PPP6R3: variants seen among roughly 807,000 people sequenced by gnomAD.
PPP6R3 encodes the protein serine/threonine-protein phosphatase 6 regulatory subunit 3.
Under a neutral mutation model 110.7 loss-of-function variants are expected in PPP6R3, and 38 were observed. The observed-to-expected ratio is 0.34, with a 90% confidence interval of 0.26 to 0.45. The LOEUF (loss-of-function observed/expected upper bound fraction) is 0.45, where lower values mean the gene tolerates loss of function less well. Among genes scored for constraint, PPP6R3 ranks in the 20% least tolerant of loss-of-function variants. The probability of loss-of-function intolerance (pLI) is 1.00; values close to 1 mark genes in which losing one functional copy is unlikely to be tolerated. For missense variants in PPP6R3, 870 were observed against 1,062.4 expected, an observed-to-expected ratio of 0.82 and a Z score of 2.52; for synonymous variants, 369 against 373.5, an observed-to-expected ratio of 0.99 and a Z score of 0.14.
intron 23 of PPP6R3, among the ~76,000 whole-genome samples, chr11:68,611,185 T>G (rs908646732): frequency 1.3e-5 from 2 of 152,206 alleles, no homozygotes; most frequent in Non-Finnish European, 2.9e-5. Context: ...GGGGTTTCAA[T>G]GTATTTTTTA....
At position 68,587,983 on chromosome 11, in the gene PPP6R3, C is replaced by T. The variant is rs1022108717; in HGVS notation, c.1689C>T (p.Gly563=). The change falls in exon 16 of 24, where the codon GGC becomes GGT. Residue 563 remains glycine (G), a synonymous_variant. Coordinates refer to ENST00000393800, the MANE Select transcript of PPP6R3 (RefSeq NM_001164161.2). ...QMTSNFIDQF[G]FNDEKFADQD... ...CGTCCAATTTTATTGACCAGTTTGG[C>T]TTCAACGATGAGAAGTTTGCAGATC... 2 of 1,614,174 alleles carry T rather than the reference C, an allele frequency of 1.2e-6. No individual in the cohort carries two copies. Among genetic ancestry groups the T allele is most frequent in the Admixed American group, 1.7e-5 (1 of 60,030 alleles).
In PPP6R3 at chr11:68,460,779, CG is replaced by C. The variant is rs1422138013; in HGVS notation, c.-205del. On this transcript the variant is annotated 5_prime_UTR_variant, in exon 1 of 24. An upstream open reading frame in the 5' UTR loses its in-frame stop. Coordinates refer to ENST00000393800, the MANE Select transcript of PPP6R3 (RefSeq NM_001164161.2). Reference sequence around the variant, plus strand: ...GCGCTTCGCTGATGGTGTCGGTGAGCGCGTTTCCCGCCTGAGCGCAACTAGC... The same window carrying C: ...GCGCTTCGCTGATGGTGTCGGTGAGCCGTTTCCCGCCTGAGCGCAACTAGC... 6.6e-6 allele frequency: 1 copy of C among 152,112 alleles called. No homozygotes were observed. Among genetic ancestry groups the C allele is most frequent in the African/African-American group, 2.4e-5 (1 of 41,396 alleles). 9.4% of individuals were successfully genotyped at this position (152,112 alleles called of 1,614,324 possible). A position where few individuals can be genotyped will look rare whatever the true frequency, so the allele number is the denominator to read the frequency against.
At chr11:68,546,759 A>G (rs1294449947) in intron 4 of PPP6R3, among the ~76,000 whole-genome samples, 1 of 152,206 alleles carries the variant, frequency 6.6e-6, no homozygotes, top group Non-Finnish European at 1.5e-5. Flanking sequence ...TCAGCACCCC[A>G]GCGGGGTCAT....
chr11:68,611,302 A>G (rs902962348), intron 23 of PPP6R3, among the ~76,000 whole-genome samples: 5 of 152,196 alleles, frequency 3.3e-5, no homozygotes, highest in Non-Finnish European at 7.4e-5. Context: ...GTCCAGGTCT[A>G]TCCCAGTTTG....
chr11:68,611,913 T>TGTCA (rs1943647436), intron 23 of PPP6R3, among the ~76,000 whole-genome samples: 1 of 152,240 alleles, frequency 6.6e-6, no homozygotes, highest in Non-Finnish European at 1.5e-5. Context: ...CGCTGTTTCC[T>TGTCA]GTCACACTTA....
intron 22 of PPP6R3, among the ~76,000 whole-genome samples, chr11:68,604,723 G>A (rs1938502553): frequency 6.6e-6 from 1 of 152,116 alleles, no homozygotes; most frequent in Admixed American, 6.5e-5. Context: ...TTCCAAATGT[G>A]CCTGTTTTTA....
intron 1 of PPP6R3, among the ~76,000 whole-genome samples, chr11:68,485,290 T>C (rs72934501): frequency 0.012 from 1,803 of 145,612 alleles, 13 homozygotes; most frequent in African/African-American, 0.018. Context: ...TTTTTTTTTT[T>C]TTCAATTCCT....
At chr11:68,494,335 C>A (rs1024372952) in intron 1 of PPP6R3, among the ~76,000 whole-genome samples, 2 of 148,654 alleles carry the variant, frequency 1.3e-5, no homozygotes, top group Non-Finnish European at 3.0e-5. Context: ...ACCATCCTGT[C>A]CCACATGGTG....
intron 1 of PPP6R3, among the ~76,000 whole-genome samples, 200 bp downstream of exon 1, chr11:68,461,027 G>C (rs2098700817): frequency 6.6e-6 from 1 of 151,724 alleles, no homozygotes; most frequent in Non-Finnish European, 1.5e-5. Flanking sequence ...CTCCCCGTCC[G>C]CTCCTGTTAG....
At chr11:68,474,035 G>C (rs1280848449) in intron 1 of PPP6R3, among the ~76,000 whole-genome samples, 1 of 147,292 alleles carries the variant, frequency 6.8e-6, no homozygotes, top group Non-Finnish European at 1.5e-5. Context: ...ATGTTAAAAA[G>C]CAATTACCTT....
chr11:68,471,881 G>A (rs1265496308), intron 1 of PPP6R3, among the ~76,000 whole-genome samples: 1 of 151,982 alleles, frequency 6.6e-6, no homozygotes, highest in Non-Finnish European at 1.5e-5. Context: ...GCAGACTAGG[G>A]GAGATGGGAT....
intron 4 of PPP6R3, 76 bp from the exon 5 acceptor site, chr11:68,547,991 G>C: frequency 7.1e-7 from 1 of 1,415,138 alleles, no homozygotes. Flanking sequence ...TGGAGGAGTC[G>C]GGGTTGGGAC....
intron 2 of PPP6R3, among the ~76,000 whole-genome samples, chr11:68,520,255 A>G (rs2099157621): frequency 6.6e-6 from 1 of 152,218 alleles, no homozygotes; most frequent in Non-Finnish European, 1.5e-5. Flanking sequence ...AAGGTAGACA[A>G]AAATCATTTA....
chr11:68,507,996 A>C (rs1488361373), intron 1 of PPP6R3, among the ~76,000 whole-genome samples: 2 of 151,556 alleles, frequency 1.3e-5, no homozygotes, highest in Non-Finnish European at 2.9e-5. Flanking sequence ...GCTTGAGCCT[A>C]AGTGTTTGAG....
At chr11:68,566,298 TTCCTTCCTCCTCC>T (rs1168725215) in intron 9 of PPP6R3, among the ~76,000 whole-genome samples, 2 of 152,044 alleles carry the variant, frequency 1.3e-5, no homozygotes, top group Non-Finnish European at 2.9e-5. Context: ...TTCTTTATTC[TTCCTTCCTCCTCC>T]TCCTTCCTCC....
chr11:68,604,394 A>T (rs1033952091), intron 22 of PPP6R3, among the ~76,000 whole-genome samples: 32 of 152,370 alleles, frequency 2.1e-4, no homozygotes, highest in African/African-American at 7.0e-4. Context: ...GCAGCCTAGG[A>T]ATAGAAAGTA....
At chr11:68,612,251 A>G (rs1443484611) in intron 23 of PPP6R3, among the ~76,000 whole-genome samples, 1 of 152,194 alleles carries the variant, frequency 6.6e-6, no homozygotes, top group African/African-American at 2.4e-5. Context: ...GTAAGTGAGC[A>G]GAGTGGATTG....
intron 1 of PPP6R3, among the ~76,000 whole-genome samples, chr11:68,468,779 G>T (rs900637641): frequency 5.3e-5 from 8 of 152,158 alleles, no homozygotes; most frequent in Non-Finnish European, 1.5e-5. Flanking sequence ...TATAACATTA[G>T]AACATATATA....
At position 68,485,462 on chromosome 11, in the gene PPP6R3, A is replaced by G. The variant is rs564671154; in HGVS notation, c.-158+24635A>G. Among the ~76,000 whole-genome samples the G allele has an allele frequency of 2.2e-3, 332 of 152,188 alleles. 1 individual carries two copies. Among genetic ancestry groups the G allele is most frequent in the Non-Finnish European group, 3.8e-3 (261 of 68,006 alleles). On this transcript the variant is annotated intron_variant, in intron 1 of 23. Transcript: ENST00000393800. ...AGGGAACATCTTTGCCCGCTTCCTG[A>G]TCTTAGTGGGAAAGCTTTAATTTCT... is the stretch of plus-strand genomic sequence containing the variant.
Sources: allele counts gnomAD v4.1 joint callset (sites outside exome capture counted in the v4.1 genomes callset), GRCh38; gene constraint gnomAD v4.1.1; transcripts MANE v1.5; gene names NCBI Gene and HGNC (gene_info 2026-07-23, HGNC 2026-07-21).